DPYSL3: variants seen among roughly 807,000 people sequenced by gnomAD.
DPYSL3 encodes dihydropyrimidinase-related protein 3.
A neutral mutation model predicts 66.1 loss-of-function variants in DPYSL3; 16 were observed. The ratio of observed to expected loss-of-function variants is 0.24; its 90% confidence interval spans 0.16 to 0.37. The LOEUF (loss-of-function observed/expected upper bound fraction) is 0.37. Ranked by LOEUF, DPYSL3 falls within the 10% of genes least tolerant of loss-of-function variation. The pLI is 1.00. For missense variants in DPYSL3, 738 were observed against 916.2 expected (o/e 0.81, Z 2.51); for synonymous variants, 338 against 345.1 (o/e 0.98, Z 0.23).
chr5:147,431,464 C>T lies in DPYSL3; in HGVS notation c.382-6501G>A, dbSNP rs987490326. On this transcript the variant is annotated intron_variant, in intron 1 of 13. Coordinates refer to ENST00000343218, the MANE Select transcript of DPYSL3 (RefSeq NM_001197294.2). ...ACAATGATACCTTTTTCTGAGGGTG[C>T]AAACAAGGATTGTGGGGCATACTAT... 5.3e-5 allele frequency among the ~76,000 whole-genome samples: 8 copies of T among 151,996 alleles called. 1 individual carries two copies. The highest frequency in any genetic ancestry group is 1.7e-4 in the African/African-American group (7 of 41,372).
At chr5:147,397,381 A>G in intron 12 of DPYSL3, among the ~76,000 whole-genome samples, 1 of 152,200 alleles carries the variant, frequency 6.6e-6, no homozygotes, top group East Asian at 1.9e-4. Flanking sequence ...TTAAAAAAAT[A>G]CACTGGCCTT....
chr5:147,403,039 G>T (rs1024164117), intron 8 of DPYSL3, among the ~76,000 whole-genome samples: 2 of 152,158 alleles, frequency 1.3e-5, no homozygotes, highest in Admixed American at 1.3e-4. Context: ...AATAGATTTT[G>T]CCTTGTTTCA....
At chr5:147,464,203 C>T (rs1752975462) in intron 1 of DPYSL3, among the ~76,000 whole-genome samples, 1 of 152,154 alleles carries the variant, frequency 6.6e-6, no homozygotes, top group African/African-American at 2.4e-5. Context: ...CTCCAGGGTG[C>T]ACTGGACATT....
Position 147,509,387 on chromosome 5 carries a change from G to T in DPYSL3, c.381+91C>A. The T allele has an allele frequency of 7.1e-7, 1 of 1,416,122 alleles. No homozygotes were observed. The highest frequency in any genetic ancestry group is 9.3e-7 in the Non-Finnish European group (1 of 1,080,166). The allele number at this position is 1,416,122 out of a possible 1,614,324, so 87.7% of individuals were successfully genotyped here. A position where few individuals can be genotyped will look rare whatever the true frequency, so the allele number is the denominator to read the frequency against. On this transcript the variant is annotated intron_variant, in intron 1 of 13. Transcript: ENST00000343218. This position sits in a 1 kb window ranked among gnomAD's most constrained non-coding sequence, Gnocchi z 5.3. ...TCCTTGTCCCCCAGCCCCGTGCAAA[G>T]TGAGCTGGAGAAAGTTGTGCCCGGG...
chr5:147,395,420 A>G, intron 13 of DPYSL3, 139 bp downstream of exon 13: 1 of 1,043,406 alleles, frequency 9.6e-7, no homozygotes, highest in Non-Finnish European at 1.4e-6. Flanking sequence ...TTGCCCCAGT[A>G]ACCTTCTCCC....
chr5:147,493,572 TA>T (rs988724055), intron 1 of DPYSL3, among the ~76,000 whole-genome samples: 46 of 147,362 alleles, frequency 3.1e-4, no homozygotes, highest in Admixed American at 1.3e-3. Flanking sequence ...AGACTCTGTC[TA>T]AAAAAAAAGA....
At chr5:147,448,439 T>G (rs1215085094) in intron 1 of DPYSL3, among the ~76,000 whole-genome samples, 2 of 152,254 alleles carry the variant, frequency 1.3e-5, no homozygotes, top group East Asian at 3.9e-4. Flanking sequence ...CTGTTTATTT[T>G]TGTTTTGGAA....
At position 147,419,795 on chromosome 5, in the gene DPYSL3, G is replaced by A. The variant is rs1752044638; in HGVS notation, c.471-1164C>T. On this transcript the variant is annotated intron_variant, in intron 2 of 13. Transcript: ENST00000343218. ...AGTTCAACTTTACCACATCACCACT[G>A]GGCCATTCCAGAGCCACCATAATTC... is the stretch of plus-strand genomic sequence containing the variant. Among the ~76,000 whole-genome samples, 3 of 152,026 alleles carry A rather than the reference G, an allele frequency of 2.0e-5. No individual in the cohort carries two copies. The South Asian group carries it at 6.2e-4, about 32-fold the overall frequency.
In DPYSL3 at chr5:147,426,451, A is replaced by C. The variant is rs564159575; in HGVS notation, c.382-1488T>G. 3.9e-5 allele frequency among the ~76,000 whole-genome samples: 6 copies of C among 152,208 alleles called. No homozygotes were observed. In the East Asian group the frequency reaches 1.2e-3, roughly 30 times the overall value. The stretch of plus-strand genomic sequence containing the variant: ...TTTGAATGAAAATACACTGAGACAT[A>C]TGTCAGGATTGCAAGCAGAGGGGTG... On this transcript the variant is annotated intron_variant, in intron 1 of 13. Transcript: ENST00000343218.
chr5:147,467,871 G>C (rs1753033805), intron 1 of DPYSL3, among the ~76,000 whole-genome samples: 1 of 152,296 alleles, frequency 6.6e-6, no homozygotes, highest in South Asian at 2.1e-4. Context: ...TCTGTGTCTG[G>C]TGAGTGGCCT....
At position 147,421,682 on chromosome 5, in the gene DPYSL3, G is replaced by A. The variant is rs146755053; in HGVS notation, c.471-3051C>T. 0.015 allele frequency among the ~76,000 whole-genome samples: 2,291 copies of A among 152,128 alleles called. 92 individuals are homozygous for A. The East Asian group carries it at 0.17, about 11-fold the overall frequency. On this transcript the variant is annotated intron_variant, in intron 2 of 13. Coordinates refer to ENST00000343218, the MANE Select transcript of DPYSL3 (RefSeq NM_001197294.2). ...CAGATACATAGACCAATGGAACAGA[G>A]CAGAGGCCACAGAAATAACACCACA...
At chr5:147,451,259 C>G (rs1184839057) in intron 1 of DPYSL3, among the ~76,000 whole-genome samples, 1 of 152,212 alleles carries the variant, frequency 6.6e-6, no homozygotes, top group Non-Finnish European at 1.5e-5. Context: ...TTCAAGGCAG[C>G]CTGGTTTGAA....
chr5:147,416,928 G>A (rs1245142600), intron 3 of DPYSL3, among the ~76,000 whole-genome samples: 2 of 152,156 alleles, frequency 1.3e-5, no homozygotes, highest in African/African-American at 2.4e-5. Flanking sequence ...AGATACCCAT[G>A]ACATATTATT....
At chr5:147,465,977 C>T (rs2126417001) in intron 1 of DPYSL3, among the ~76,000 whole-genome samples, 1 of 152,294 alleles carries the variant, frequency 6.6e-6, no homozygotes, top group East Asian at 1.9e-4. Flanking sequence ...CAGCCAACAA[C>T]AGTGAGATTG....
chr5:147,404,821 C>G (rs1392965956), intron 8 of DPYSL3, among the ~76,000 whole-genome samples: 1 of 152,090 alleles, frequency 6.6e-6, no homozygotes, highest in South Asian at 2.1e-4. Context: ...CTTTGGAGAC[C>G]CACTCAACCC....
intron 6 of DPYSL3, among the ~76,000 whole-genome samples, chr5:147,409,450 A>G (rs185331869): frequency 1.6e-4 from 24 of 152,334 alleles, no homozygotes; most frequent in African/African-American, 5.3e-4. Flanking sequence ...GCTTAAATGA[A>G]TGGATTCAAA....
At chr5:147,453,084 T>C (rs901850644) in intron 1 of DPYSL3, among the ~76,000 whole-genome samples, 1 of 151,922 alleles carries the variant, frequency 6.6e-6, no homozygotes, top group Non-Finnish European at 1.5e-5. Context: ...GTCAGAGCCG[T>C]GGGGCTGGAG....
intron 1 of DPYSL3, among the ~76,000 whole-genome samples, chr5:147,453,383 T>C (rs1269358861): frequency 2.0e-5 from 3 of 152,150 alleles, no homozygotes; most frequent in Non-Finnish European, 4.4e-5. Flanking sequence ...TCAGTCTGTG[T>C]GGCGCCGGCT....
chr5:147,464,913 C>A (rs1660739761), intron 1 of DPYSL3, among the ~76,000 whole-genome samples: 1 of 152,184 alleles, frequency 6.6e-6, no homozygotes, highest in South Asian at 2.1e-4. Context: ...AGAAGTAAAT[C>A]TGAGGTCAGC....
Sources: gnomAD v4.1 joint callset for allele counts (sites outside exome capture counted in the v4.1 genomes callset) on GRCh38, gnomAD v4.1.1 for gene constraint, Gnocchi (gnomAD v3.1) non-coding constraint, MANE v1.5 for transcripts, NCBI Gene and HGNC (gene_info 2026-07-23, HGNC 2026-07-21) for gene names.